Variants in AUTS2 observed in about 807,000 individuals in gnomAD.
The protein encoded by AUTS2 is autism susceptibility gene 2 protein.
A neutral mutation model predicts 112.4 loss-of-function variants in AUTS2; 17 were observed. That is an observed-to-expected ratio of 0.15 (90% CI 0.10 to 0.23). The LOEUF (loss-of-function observed/expected upper bound fraction) is 0.23. Ranked by LOEUF, AUTS2 falls within the 10% of genes least tolerant of loss-of-function variation. The pLI is 1.00. For missense variants in AUTS2, 1,510 were observed against 1,701.6 expected (o/e 0.89, Z 1.98); for synonymous variants, 751 against 702.7 (o/e 1.07, Z -1.09).
chr7:69,736,137 C>T (rs1787021043), intron 1 of AUTS2, among the ~76,000 whole-genome samples: 1 of 152,092 alleles, frequency 6.6e-6, no homozygotes, highest in South Asian at 2.1e-4. Context: ...CTTTGTGAAC[C>T]TTTTTTTCTC....
rs986330370 is a variant in AUTS2 at position 70,069,389 on chromosome 7, G to T, written c.523-48743G>T. ...ATTTATTGAGCACTTGATTTTTTAG[G>T]AGTACAACTTCATCATTAATTTCCT... On this transcript the variant is annotated intron_variant, in intron 2 of 18. Coordinates refer to ENST00000342771, the MANE Select transcript of AUTS2 (RefSeq NM_015570.4). 6.4e-4 allele frequency among the ~76,000 whole-genome samples: 97 copies of T among 152,162 alleles called. 2 individuals are homozygous for T. The highest frequency in any genetic ancestry group is 2.1e-3 in the African/African-American group (86 of 41,446).
chr7:70,130,855 A>G (rs1181754033), intron 3 of AUTS2, among the ~76,000 whole-genome samples: 3 of 152,172 alleles, frequency 2.0e-5, no homozygotes, highest in Non-Finnish European at 4.4e-5. Context: ...GCCTCTTAAT[A>G]GTTCTCATTT....
intron 6 of AUTS2, among the ~76,000 whole-genome samples, chr7:70,709,250 G>C (rs536785903): frequency 6.6e-6 from 1 of 151,966 alleles, no homozygotes; most frequent in Non-Finnish European, 1.5e-5. Context: ...TTGGCCCACC[G>C]CAAGGAGGTG....
At chr7:70,235,900 C>G (rs1329240416) in intron 4 of AUTS2, among the ~76,000 whole-genome samples, 1 of 152,076 alleles carries the variant, frequency 6.6e-6, no homozygotes, top group African/African-American at 2.4e-5. Context: ...CCTCGTGGTC[C>G]GCCCACCTTG....
rs553947152 is a variant in AUTS2 at position 70,693,833 on chromosome 7, C to G, written c.691-4736C>G. 2.6e-5 allele frequency among the ~76,000 whole-genome samples: 4 copies of G among 152,308 alleles called. No homozygotes were observed. In the South Asian group the frequency reaches 8.3e-4, roughly 32 times the overall value. ...GAGGAGCGGTGCAGTTTCCGCCGCG[C>G]CCGCCCGCAAGGAAGGCAGCCGGGG... On this transcript the variant is annotated intron_variant, in intron 5 of 18. Transcript: ENST00000342771.
chr7:69,709,476 C>T (rs1798217927), intron 1 of AUTS2, among the ~76,000 whole-genome samples: 1 of 152,172 alleles, frequency 6.6e-6, no homozygotes, highest in South Asian at 2.1e-4. Flanking sequence ...TGTAACTTCT[C>T]ACCCTGTGTT....
chr7:70,714,069 A>G (rs1810217839), intron 6 of AUTS2, among the ~76,000 whole-genome samples: 12 of 152,152 alleles, frequency 7.9e-5, no homozygotes, highest in Admixed American at 7.9e-4. Flanking sequence ...GCCTTTTTCA[A>G]TAGGGAATAT....
intron 6 of AUTS2, among the ~76,000 whole-genome samples, chr7:70,733,775 CAG>C (rs1171335856): frequency 6.6e-6 from 1 of 151,910 alleles, no homozygotes; most frequent in Non-Finnish European, 1.5e-5. Flanking sequence ...TTAGTAGAGA[CAG>C]GGTTTCACCA....
At chr7:69,974,131 TG>T (rs1185069008) in intron 2 of AUTS2, among the ~76,000 whole-genome samples, 1 of 151,872 alleles carries the variant, frequency 6.6e-6, no homozygotes, top group Non-Finnish European at 1.5e-5. Context: ...CTTAAATTAC[TG>T]TTTTTCATAT....
chr7:70,547,572 A>T (rs984510992), intron 5 of AUTS2, among the ~76,000 whole-genome samples: 5 of 152,138 alleles, frequency 3.3e-5, no homozygotes, highest in African/African-American at 1.2e-4. Flanking sequence ...GGTCTTTTGC[A>T]TGTGGCTTCT....
intron 4 of AUTS2, among the ~76,000 whole-genome samples, chr7:70,344,800 C>T (rs1791421455): frequency 6.6e-6 from 1 of 152,152 alleles, no homozygotes; most frequent in Non-Finnish European, 1.5e-5. Context: ...ATACTGCTTG[C>T]AACTCCTTCC....
intron 5 of AUTS2, among the ~76,000 whole-genome samples, chr7:70,629,322 A>G (rs1805132767): frequency 6.6e-6 from 1 of 152,110 alleles, no homozygotes; most frequent in Admixed American, 6.5e-5. Context: ...AATACAAAAA[A>G]TTAGCCAGGC....
chr7:70,422,305 A>G (rs1483783428), intron 4 of AUTS2, among the ~76,000 whole-genome samples: 1 of 152,200 alleles, frequency 6.6e-6, no homozygotes, highest in Non-Finnish European at 1.5e-5. Flanking sequence ...TGAGAGCACC[A>G]TTGTCCCTCT....
chr7:70,271,013 G>A (rs569152650), intron 4 of AUTS2, among the ~76,000 whole-genome samples: 3 of 152,064 alleles, frequency 2.0e-5, no homozygotes, highest in East Asian at 1.9e-4. Flanking sequence ...TTCACTCTTC[G>A]GTGAGAGGGC....
At chr7:70,172,094 C>A (rs1044642776) in intron 4 of AUTS2, among the ~76,000 whole-genome samples, 5 of 152,114 alleles carry the variant, frequency 3.3e-5, no homozygotes, top group African/African-American at 9.7e-5. Flanking sequence ...CTCACTCTGT[C>A]GTTGCTTTTC....
chr7:70,676,483 G>A (rs1352028679), intron 5 of AUTS2, among the ~76,000 whole-genome samples: 1 of 152,092 alleles, frequency 6.6e-6, no homozygotes, highest in Non-Finnish European at 1.5e-5. Context: ...GAGAGAGTGA[G>A]CCCAACCACA....
chr7:69,818,204 G>A (rs2086580551), intron 1 of AUTS2, among the ~76,000 whole-genome samples: 1 of 152,150 alleles, frequency 6.6e-6, no homozygotes, highest in African/African-American at 2.4e-5. Flanking sequence ...GTGACTGTGG[G>A]GTTATGTCCC....
intron 1 of AUTS2, among the ~76,000 whole-genome samples, chr7:69,727,940 T>C (rs1786598528): frequency 1.3e-5 from 2 of 152,338 alleles, no homozygotes; most frequent in South Asian, 4.1e-4. Context: ...CAGAATCATT[T>C]AGAAATGAAC....
At chr7:70,216,041 G>A (rs1428716014) in intron 4 of AUTS2, among the ~76,000 whole-genome samples, 7 of 152,174 alleles carry the variant, frequency 4.6e-5, no homozygotes, top group Non-Finnish European at 1.0e-4. Flanking sequence ...CTATATTGTA[G>A]CCCAACTTTC....
Sources: gnomAD v4.1 joint callset for allele counts (sites outside exome capture counted in the v4.1 genomes callset) on GRCh38, gnomAD v4.1.1 for gene constraint, MANE v1.5 for transcripts, NCBI Gene and HGNC (gene_info 2026-07-23, HGNC 2026-07-21) for gene names.